The following MTAP variants were observed in gnomAD, a reference collection of about 807,000 sequenced individuals.
The protein encoded by MTAP is methylthioadenosine phosphorylase, also known as S-methyl-5'-thioadenosine phosphorylase.
MTAP carries 33 observed loss-of-function variants against 33.6 expected under a neutral mutation model. The observed-to-expected ratio is 0.98, with a 90% CI of 0.74 to 1.31. The LOEUF is 1.31. Among genes scored for constraint, MTAP ranks in the 40% most tolerant of loss-of-function variants. MTAP has a pLI of 0.00. For synonymous variants in MTAP, 148 were observed against 125.7 expected (o/e 1.18, Z -1.19); for missense variants, 367 against 360.0 (o/e 1.02, Z -0.16).
chr9:21,917,251 TTGAA>T (rs1478586416), intron 1 of MTAP, among the ~76,000 whole-genome samples: 1 of 152,192 alleles, frequency 6.6e-6, no homozygotes, highest in Non-Finnish European at 1.5e-5. Flanking sequence ...CATAAAAGTC[TTGAA>T]TTCTGGAGAG....
chr9:21,806,740 A>C (rs934716430), intron 1 of MTAP, among the ~76,000 whole-genome samples: 1 of 152,144 alleles, frequency 6.6e-6, no homozygotes. Flanking sequence ...AGCATCAGCC[A>C]AGGGCAGGTG....
downstream of MTAP, chr9:21,936,173 T>A (rs1819039281): frequency 6.6e-6 from 1 of 152,224 alleles, no homozygotes; most frequent in South Asian, 2.1e-4. Context: ...AAATAAAAAT[T>A]ATGAATGCAT....
rs1053484801 is a variant in MTAP, at chr9:21,865,816, A to G, written c.*3802A>G. On this transcript the variant is annotated 3_prime_UTR_variant, in exon 8 of 8. Transcript: ENST00000644715. ...ATTTCTTTGTTTTGAAGATTCACTC[A>G]TGTTGCATGCATCTGTAGCTTGTGC... 2 of 1,004,636 alleles carry G rather than the reference A, an allele frequency of 2.0e-6. No homozygotes were observed. Among genetic ancestry groups the G allele is most frequent in the African/African-American group, 3.4e-5 (2 of 58,186 alleles). 62.2% of individuals were successfully genotyped at this position (1,004,636 alleles called of 1,614,324 possible).
At chr9:21,894,981 G>C (rs1484532892) in intron 1 of MTAP, among the ~76,000 whole-genome samples, 3 of 152,096 alleles carry the variant, frequency 2.0e-5, no homozygotes, top group African/African-American at 7.2e-5. Context: ...GGAGGTGAAA[G>C]TTCTCCACAA....
intron 4 of MTAP, among the ~76,000 whole-genome samples, chr9:21,828,714 A>C (rs1262840273): frequency 1.3e-5 from 2 of 152,176 alleles, no homozygotes; most frequent in Non-Finnish European, 2.9e-5. Context: ...ATAATTTAGC[A>C]TGAAATCTCA....
intron 1 of MTAP, among the ~76,000 whole-genome samples, chr9:21,808,391 C>T (rs910330196): frequency 6.6e-6 from 1 of 150,956 alleles, no homozygotes; most frequent in Non-Finnish European, 1.5e-5. Context: ...TCAAGACCAG[C>T]CTGGGCAGCA....
intron 4 of MTAP, among the ~76,000 whole-genome samples, chr9:21,825,308 G>C (rs763345850): frequency 1.2e-4 from 19 of 152,234 alleles, no homozygotes; most frequent in Non-Finnish European, 2.6e-4. Flanking sequence ...TCCATATCTT[G>C]GCTATTGTGA....
chr9:21,914,021 T>C (rs919010289), intron 1 of MTAP, among the ~76,000 whole-genome samples: 2 of 151,936 alleles, frequency 1.3e-5, no homozygotes, highest in Non-Finnish European at 2.9e-5. Context: ...CCAACAGACA[T>C]ATGAAAAAAT....
At chr9:21,872,730 A>G (rs1327522758) in intron 1 of MTAP, among the ~76,000 whole-genome samples, 1 of 152,188 alleles carries the variant, frequency 6.6e-6, no homozygotes, top group Non-Finnish European at 1.5e-5. Context: ...GCAAGCATTA[A>G]TGACCCTTTT....
chr9:21,828,602 G>C (rs1470362947), intron 4 of MTAP, among the ~76,000 whole-genome samples: 2 of 152,070 alleles, frequency 1.3e-5, no homozygotes, highest in East Asian at 3.9e-4. Context: ...TTGAACCCAG[G>C]AGGCAGAGGT....
At chr9:21,819,137 CTT>C (rs35010416) in intron 4 of MTAP, among the ~76,000 whole-genome samples, 1 of 144,394 alleles carries the variant, frequency 6.9e-6, no homozygotes. Context: ...ACCACATTTT[CTT>C]TTTTTTTTTT....
downstream of MTAP, chr9:21,931,745 G>A (rs1402346385): frequency 6.6e-6 from 1 of 152,224 alleles, no homozygotes; most frequent in Non-Finnish European, 1.5e-5. Flanking sequence ...GATTTCTCAA[G>A]TTGCCCACTT....
chr9:21,808,161 G>A (rs969676911), intron 1 of MTAP, among the ~76,000 whole-genome samples: 2 of 152,226 alleles, frequency 1.3e-5, no homozygotes, highest in African/African-American at 2.4e-5. Flanking sequence ...GATGTCCACC[G>A]AAGTTTGACA....
At chr9:21,930,927 G>C in intron 1 of MTAP, 1 of 662,954 alleles carries the variant, frequency 1.5e-6, no homozygotes, top group South Asian at 1.7e-5. Context: ...AGGCCCACAT[G>C]TTAGCCTCTA....
At chr9:21,909,652 C>T (rs970968877) in intron 1 of MTAP, among the ~76,000 whole-genome samples, 1 of 151,960 alleles carries the variant, frequency 6.6e-6, no homozygotes, top group African/African-American at 2.4e-5. Context: ...ATCTATGTGG[C>T]CTGAAAAGGG....
At chr9:21,823,434 A>G (rs1486844984) in intron 4 of MTAP, among the ~76,000 whole-genome samples, 3 of 152,210 alleles carry the variant, frequency 2.0e-5, no homozygotes, top group African/African-American at 7.2e-5. Context: ...AATGTTGAAT[A>G]TTGGCCCCCA....
chr9:21,931,892 A>C (rs964836234), downstream of MTAP: 4 of 152,206 alleles, frequency 2.6e-5, no homozygotes, highest in Non-Finnish European at 5.9e-5. Flanking sequence ...TCAAGATGGC[A>C]AAAAGCAAGC....
intron 1 of MTAP, among the ~76,000 whole-genome samples, chr9:21,917,083 C>A (rs1361256270): frequency 6.6e-6 from 1 of 151,982 alleles, no homozygotes. Flanking sequence ...CAAGAATAAT[C>A]CAAGACTTTT....
chr9:21,828,962 A>G (rs1383479989), intron 4 of MTAP, among the ~76,000 whole-genome samples: 1 of 152,138 alleles, frequency 6.6e-6, no homozygotes, highest in Non-Finnish European at 1.5e-5. Flanking sequence ...ATCATTCATT[A>G]TGTGTTTGAA....
Sources: allele counts gnomAD v4.1 joint callset (sites outside exome capture counted in the v4.1 genomes callset), GRCh38; gene constraint gnomAD v4.1.1; transcripts MANE v1.5; gene names NCBI Gene and HGNC (gene_info 2026-07-23, HGNC 2026-07-21).